SLC1A7: variants seen among roughly 807,000 people sequenced by gnomAD.
The protein encoded by SLC1A7 is solute carrier family 1 member 7, also known as excitatory amino acid transporter 5.
SLC1A7 carries 40 observed loss-of-function variants against 47.7 expected under a neutral mutation model. That is an observed-to-expected ratio of 0.84 (90% CI 0.65 to 1.09). The LOEUF is 1.09. SLC1A7 is among the 50% of genes least tolerant of loss of function. SLC1A7 has a pLI of 0.00. For missense variants in SLC1A7, 746 were observed against 769.5 expected (o/e 0.97, Z 0.36); for synonymous variants, 323 against 325.6 (o/e 0.99, Z 0.09).
intron 2 of SLC1A7, 129 bp downstream of exon 2, chr1:53,134,221 G>C (rs1014725402): frequency 1.6e-6 from 1 of 615,056 alleles, no homozygotes; most frequent in Admixed American, 2.8e-5. Context: ...GCCCATAAAG[G>C]CCCCACGGTC....
chr1:53,096,549 C>T (rs6693952), intron 5 of SLC1A7, among the ~76,000 whole-genome samples: 10,767 of 150,552 alleles, frequency 0.072, 752 homozygotes, highest in East Asian at 0.26. Flanking sequence ...ACTCACACCC[C>T]ATGCCTCAGT....
intron 3 of SLC1A7, among the ~76,000 whole-genome samples, chr1:53,112,845 G>C (rs963590130): frequency 6.6e-6 from 1 of 152,154 alleles, no homozygotes; most frequent in Admixed American, 6.5e-5. Flanking sequence ...CTGAGTCCAG[G>C]GGACAGCAGG....
At position 53,090,825 on chromosome 1, in the gene SLC1A7, G is replaced by A. The variant is rs1311061013; in HGVS notation, c.1032-19C>T. 1.3e-6 allele frequency: 2 copies of A among 1,595,676 alleles called. No homozygotes were observed. Among genetic ancestry groups the A allele is most frequent in the East Asian group, 2.3e-5 (1 of 43,998 alleles). On this transcript the variant is annotated intron_variant, in intron 7 of 10. Coordinates refer to ENST00000371494, the MANE Select transcript of SLC1A7 (RefSeq NM_006671.6). ...GGCTGAGCTACGGTTAGAGGGGCCG[G>A]TGTCTGCCCAGCACCCTCCTCCAGG...
chr1:53,133,287 T>A (rs923610379), intron 2 of SLC1A7, among the ~76,000 whole-genome samples: 2 of 151,602 alleles, frequency 1.3e-5, no homozygotes, highest in East Asian at 3.9e-4. Flanking sequence ...GTCACTAGAG[T>A]GAGTTGAGGA....
rs71044460 is a variant in SLC1A7, at chr1:53,137,299, A to AAAAAAAAAAAAAG, written c.136-2871_136-2870insCTTTTTTTTTTTT. The stretch of plus-strand genomic sequence containing the variant: ...GAGACGCTATCTCCAAAAAAAAAAA[A>AAAAAAAAAAAAAG]GTGCTCTACTGATAAAAAGGCAGCT... On this transcript the variant is annotated intron_variant, in intron 1 of 10. Transcript: ENST00000371494. Among the ~76,000 whole-genome samples the AAAAAAAAAAAAAG allele has an allele frequency of 1.8e-3, 245 of 139,686 alleles. 10 individuals are homozygous for AAAAAAAAAAAAAG. The highest frequency in any genetic ancestry group is 5.6e-3 in the African/African-American group (209 of 37,554). 91.6% of individuals were successfully genotyped at this position (139,686 alleles called of 152,430 possible).
rs1039271503 is a variant in SLC1A7, at chr1:53,109,783, C to A, written c.432-4009G>T. ...AGCATCAGGAGTGGCTGTCAGTGCA[C>A]CCACTTGTCCGTCTGTCCTAAGATG... On this transcript the variant is annotated intron_variant, in intron 3 of 10. Coordinates refer to ENST00000371494, the MANE Select transcript of SLC1A7 (RefSeq NM_006671.6). Among the ~76,000 whole-genome samples, 5 of 152,146 alleles carry A rather than the reference C, an allele frequency of 3.3e-5. No individual in the cohort carries two copies. The East Asian group carries it at 9.6e-4, about 29-fold the overall frequency.
chr1:53,142,340 A>C lies in SLC1A7; in HGVS notation c.110T>G (p.Leu37Trp), dbSNP rs1428907315. 1.9e-6 allele frequency: 3 copies of C among 1,569,986 alleles called. No homozygotes were observed. The highest frequency in any genetic ancestry group is 3.7e-5 in the Admixed American group (2 of 53,470). ...CTGTGGTGAGAGGCGCCGGGTCCTC[A>C]AGAAGAAGCCGAGGAGGCAGCCCAC... is the stretch of plus-strand genomic sequence containing the variant. ...VIVGCLLGFF[L>W]RTRRLSPQEI... The change falls in exon 1 of 11, where the codon TTG becomes TGG. Residue 37 changes from leucine to tryptophan, a missense_variant. Coordinates refer to ENST00000371494, the MANE Select transcript of SLC1A7 (RefSeq NM_006671.6).
intron 1 of SLC1A7, among the ~76,000 whole-genome samples, chr1:53,139,703 T>C (rs1288368): frequency 1 from 152,142 of 152,334 alleles, 75,975 homozygotes; most frequent in Middle Eastern, 1. Flanking sequence ...TTTCTGTGAA[T>C]GAGGTCATCA....
intron 2 of SLC1A7, among the ~76,000 whole-genome samples, chr1:53,129,613 ACT>A (rs1553164900): frequency 4.3e-5 from 6 of 139,014 alleles, no homozygotes; most frequent in South Asian, 2.3e-4. Context: ...GGGAAGAGTG[ACT>A]GAACTCAGCT....
In SLC1A7 at chr1:53,088,930, C is replaced by A. The variant is rs1309521087; in HGVS notation, c.1411G>T (p.Gly471Trp). Residue 471 changes from glycine (G) to tryptophan (W), a missense_variant, in exon 10 of 11, where the codon GGG becomes TGG. By Grantham distance (184) the Gly-to-Trp change is radical (BLOSUM62 -2). Coordinates refer to ENST00000371494, the MANE Select transcript of SLC1A7 (RefSeq NM_006671.6). Reference sequence around the variant, plus strand: ...TTCCGACATATATGGGCCATGATCCCCGCTGCCAGCGCATCACCCAGCACG... The same window carrying A: ...TTCCGACATATATGGGCCATGATCCACGCTGCCAGCGCATCACCCAGCACG... Reference protein sequence around the residue: ...INVLGDALAAGIMAHICRKDF... With the variant: ...INVLGDALAAWIMAHICRKDF... 5 of 1,614,014 alleles carry A rather than the reference C, an allele frequency of 3.1e-6. No individual in the cohort carries two copies. The African/African-American group carries it at 6.7e-5, about 22-fold the overall frequency.
At chr1:53,121,861 G>A (rs1644829462) in intron 2 of SLC1A7, among the ~76,000 whole-genome samples, 1 of 152,176 alleles carries the variant, frequency 6.6e-6, no homozygotes, top group African/African-American at 2.4e-5. Flanking sequence ...TGGGCCCCCT[G>A]CCTGTGGCTT....
intron 1 of SLC1A7, among the ~76,000 whole-genome samples, chr1:53,138,024 T>A (rs1169392606): frequency 6.6e-6 from 1 of 152,230 alleles, no homozygotes; most frequent in Non-Finnish European, 1.5e-5. Context: ...TCTGAGTCCT[T>A]ACATGAGTAA....
intron 5 of SLC1A7, among the ~76,000 whole-genome samples, chr1:53,098,556 C>T (rs1644529737): frequency 6.6e-6 from 1 of 151,170 alleles, no homozygotes; most frequent in South Asian, 2.1e-4. Context: ...ACACCATCCA[C>T]CTCAGCATAC....
chr1:53,103,755 C>G (rs1644610253), intron 4 of SLC1A7, 187 bp from the exon 5 acceptor site: 1 of 532,982 alleles, frequency 1.9e-6, no homozygotes, highest in African/African-American at 1.9e-5. Context: ...AGCTGCAACT[C>G]CTTCCTCTAC....
Position 53,092,753 on chromosome 1 carries a change from C to G in SLC1A7, c.832G>C (p.Gly278Arg). The G allele has an allele frequency of 6.2e-7, 1 of 1,613,842 alleles. No individual in the cohort carries two copies. Among genetic ancestry groups the G allele is most frequent in the Non-Finnish European group, 8.5e-7 (1 of 1,179,844 alleles). The change falls in exon 7 of 11, where the codon GGT (glycine) becomes CGT (arginine). Residue 278 changes from glycine to arginine, a missense_variant. Gly to Arg is a moderately radical substitution (Grantham distance 125, BLOSUM62 -2). Coordinates refer to ENST00000371494, the MANE Select transcript of SLC1A7 (RefSeq NM_006671.6). ...GGGTCGTCCATCTCCAGGATCTTAC[C>G]CGCAATGAGGAACACAATGCCGAAG... ...FPFGIVFLIA[G>R]KILEMDDPRA...
chr1:53,094,420 G>A (rs1192324238), intron 5 of SLC1A7, among the ~76,000 whole-genome samples: 1 of 152,222 alleles, frequency 6.6e-6, no homozygotes, highest in African/African-American at 2.4e-5. Context: ...TGGTGAGACC[G>A]ACGTGGGGAG....
intron 5 of SLC1A7, among the ~76,000 whole-genome samples, chr1:53,095,554 G>C (rs561000569): frequency 1.4e-5 from 2 of 138,432 alleles, no homozygotes; most frequent in Non-Finnish European, 3.1e-5. Context: ...CACTCAACTC[G>C]CCTTGGTACA....
At chr1:53,122,124 T>A (rs928772217) in intron 2 of SLC1A7, among the ~76,000 whole-genome samples, 59 of 152,266 alleles carry the variant, frequency 3.9e-4, no homozygotes, top group African/African-American at 1.4e-3. Context: ...GGAATAACTT[T>A]CTGGCAGAGC....
At chr1:53,099,933 A>G (rs932332220) in intron 5 of SLC1A7, among the ~76,000 whole-genome samples, 1 of 149,738 alleles carries the variant, frequency 6.7e-6, no homozygotes, top group Admixed American at 6.6e-5. Context: ...ATGCCTCTGT[A>G]CATTCACACA....
Sources: gnomAD v4.1 joint callset for allele counts (sites outside exome capture counted in the v4.1 genomes callset) on GRCh38, gnomAD v4.1.1 for gene constraint, MANE v1.5 for transcripts, NCBI Gene and HGNC (gene_info 2026-07-23, HGNC 2026-07-21) for gene names.